CASD1: variants seen among roughly 807,000 people sequenced by gnomAD.
CASD1 encodes N-acetylneuraminate (7)9-O-acetyltransferase.
In CASD1, 41 loss-of-function variants were observed where a neutral mutation model predicts 100.0. The observed-to-expected ratio is 0.41, with a 90% confidence interval of 0.32 to 0.53. CASD1 has a LOEUF of 0.53. Ranked by LOEUF, CASD1 falls within the 20% of genes least tolerant of loss-of-function variation. The pLI is 0.25. For missense variants in CASD1, 774 were observed against 948.7 expected, an observed-to-expected ratio of 0.82 and a Z score of 2.42; for synonymous variants, 321 against 315.6, an observed-to-expected ratio of 1.02 and a Z score of -0.18.
At chr7:94,596,514 G>A in the CASD1 span, among the ~76,000 whole-genome samples, 530 of 152,204 alleles carry the variant, frequency 3.5e-3, 3 homozygotes, top group African/African-American at 0.012. Flanking sequence ...GTTCTTTGAA[G>A]AGTTACCTAT....
At chr7:94,569,310 A>T in the CASD1 span, among the ~76,000 whole-genome samples, 1 of 152,342 alleles carries the variant, frequency 6.6e-6, no homozygotes, top group Admixed American at 6.5e-5. Flanking sequence ...AACTAACATC[A>T]TCAATAAAGG....
chr7:94,520,438 A>T (rs1368012287), intron 3 of CASD1, among the ~76,000 whole-genome samples: 2 of 152,222 alleles, frequency 1.3e-5, no homozygotes, highest in Non-Finnish European at 2.9e-5. Context: ...TTTTCAAATT[A>T]TGCTTTGTGG....
chr7:94,546,445 T>C (rs1190987430), intron 12 of CASD1, among the ~76,000 whole-genome samples: 1 of 151,954 alleles, frequency 6.6e-6, no homozygotes, highest in Non-Finnish European at 1.5e-5. Flanking sequence ...AAATATTATG[T>C]GTCAAAAATA....
intron 3 of CASD1, among the ~76,000 whole-genome samples, chr7:94,526,003 A>G (rs770414908): frequency 4.6e-5 from 7 of 152,210 alleles, no homozygotes; most frequent in Non-Finnish European, 7.3e-5. Context: ...TTTGGTTACA[A>G]GAAGTTGTAG....
chr7:94,556,911 A>G lies in CASD1; in HGVS notation c.*1153A>G, dbSNP rs1224036957. 6.6e-6 allele frequency: 1 copy of G among 152,046 alleles called. No homozygotes were observed. Among genetic ancestry groups the G allele is most frequent in the Non-Finnish European group, 1.5e-5 (1 of 67,938 alleles). The allele number at this position is 152,046 out of a possible 1,614,324, so 9.4% of individuals were successfully genotyped here. A position where few individuals can be genotyped will look rare whatever the true frequency, so the allele number is the denominator to read the frequency against. On this transcript the variant is annotated 3_prime_UTR_variant, in exon 18 of 18. Coordinates refer to ENST00000297273, the MANE Select transcript of CASD1 (RefSeq NM_022900.5). ...GTGGGGTAAAATATATTTTCTGTTC[A>G]CAGTATATGAAAATATGGAGTAATT...
At chr7:94,605,971 G>C in the CASD1 span, among the ~76,000 whole-genome samples, 2 of 152,096 alleles carry the variant, frequency 1.3e-5, no homozygotes, top group Non-Finnish European at 2.9e-5. Context: ...TGAGACTACA[G>C]GTGCCCGCCA....
At chr7:94,547,226 CAA>C (rs761938081) in intron 13 of CASD1, 51 bp downstream of exon 13, 15 of 1,349,428 alleles carry the variant, frequency 1.1e-5, no homozygotes, top group Non-Finnish European at 1.3e-5. Context: ...TTTTAAAGTT[CAA>C]GTCTATTAAA....
At chr7:94,566,905 G>A in the CASD1 span, among the ~76,000 whole-genome samples, 3 of 152,130 alleles carry the variant, frequency 2.0e-5, no homozygotes, top group Non-Finnish European at 2.9e-5. Flanking sequence ...TCATCATGGT[G>A]TGGCAGTATG....
At chr7:94,530,378 C>A (rs1184281735) in intron 5 of CASD1, among the ~76,000 whole-genome samples, 2 of 152,118 alleles carry the variant, frequency 1.3e-5, no homozygotes, top group Non-Finnish European at 2.9e-5. Context: ...TTGTTCTTTT[C>A]ACGTGCTTCG....
chr7:94,584,452 T>A, the CASD1 span, among the ~76,000 whole-genome samples: 1 of 152,190 alleles, frequency 6.6e-6, no homozygotes, highest in Non-Finnish European at 1.5e-5. Context: ...TAAGAGAACC[T>A]ACATCCTCTG....
intron 3 of CASD1, among the ~76,000 whole-genome samples, chr7:94,519,218 A>T (rs1584379023): frequency 6.6e-6 from 1 of 152,072 alleles, no homozygotes; most frequent in African/African-American, 2.4e-5. Context: ...TTAGTTCATT[A>T]TTTTTTGGTG....
intron 9 of CASD1, among the ~76,000 whole-genome samples, chr7:94,538,428 A>C (rs1326596948): frequency 6.6e-6 from 1 of 152,148 alleles, no homozygotes; most frequent in Non-Finnish European, 1.5e-5. Flanking sequence ...ACTTCTTTAC[A>C]AGGCATGATT....
intron 13 of CASD1, among the ~76,000 whole-genome samples, chr7:94,548,957 G>T (rs917266383): frequency 6.6e-6 from 1 of 151,882 alleles, no homozygotes; most frequent in Admixed American, 6.6e-5. Flanking sequence ...TGTAAACTTT[G>T]TTTCAAAGGC....
In CASD1 at chr7:94,553,750, A is replaced by G. The variant is rs1796062097; in HGVS notation, c.2035-733A>G. On this transcript the variant is annotated intron_variant, in intron 16 of 17. Transcript: ENST00000297273. ...TAACACAGCACATGTATACATATGT[A>G]ACAAACCTGCACGTTGTGCACATGT... 4 of 151,944 alleles carry G rather than the reference A, an allele frequency of 2.6e-5. 1 individual carries two copies. Among genetic ancestry groups the G allele is most frequent in the Admixed American group, 6.6e-5 (1 of 15,236 alleles). The allele number at this position is 151,944 out of a possible 1,614,324, so 9.4% of individuals were successfully genotyped here.
chr7:94,536,023 A>G (rs1195442017), intron 8 of CASD1, among the ~76,000 whole-genome samples: 4 of 152,136 alleles, frequency 2.6e-5, no homozygotes, highest in African/African-American at 4.8e-5. Flanking sequence ...CAGGTAGATC[A>G]CTTGAGGTCA....
intron 14 of CASD1, among the ~76,000 whole-genome samples, 169 bp from the exon 15 acceptor site, chr7:94,551,169 G>A (rs1348583100): frequency 3.3e-5 from 5 of 151,918 alleles, no homozygotes; most frequent in Admixed American, 1.3e-4. Flanking sequence ...AACAATCATC[G>A]GCTTTATTTC....
intron 1 of CASD1, among the ~76,000 whole-genome samples, chr7:94,512,271 A>G (rs763402584): frequency 1.3e-5 from 2 of 152,170 alleles, no homozygotes; most frequent in Admixed American, 6.5e-5. Flanking sequence ...AAAAATTGCA[A>G]AAAATCTCGT....
chr7:94,549,508 T>G (rs1290784405), intron 13 of CASD1, 25 bp from the exon 14 acceptor site: 1 of 1,522,536 alleles, frequency 6.6e-7, no homozygotes, highest in Non-Finnish European at 9.0e-7. Context: ...CCATCTTAAT[T>G]TATTTTCTGG....
At chr7:94,599,821 G>T in the CASD1 span, 1 of 919,320 alleles carries the variant, frequency 1.1e-6, no homozygotes, top group Non-Finnish European at 1.8e-6. Context: ...TGGAAATGCT[G>T]ACATTGTCAC....
Sources: allele counts gnomAD v4.1 joint callset (sites outside exome capture counted in the v4.1 genomes callset), GRCh38; gene constraint gnomAD v4.1.1; transcripts MANE v1.5; gene names NCBI Gene and HGNC (gene_info 2026-07-23, HGNC 2026-07-21).